ATXN7: variants seen among roughly 807,000 people sequenced by gnomAD.
The protein encoded by ATXN7 is ataxin 7.
A neutral mutation model predicts 70.5 loss-of-function variants in ATXN7; 12 were observed. The ratio of observed to expected loss-of-function variants is 0.17; its 90% CI spans 0.11 to 0.28. The LOEUF is 0.28. ATXN7 is among the 10% of genes least tolerant of loss of function. The pLI, the probability that ATXN7 is intolerant of heterozygous loss-of-function variation, is 1.00. For missense variants in ATXN7, 1,256 were observed against 1,131.7 expected, an observed-to-expected ratio of 1.11 and a Z score of -1.58; for synonymous variants, 498 against 448.7, an observed-to-expected ratio of 1.11 and a Z score of -1.39.
chr3:63,938,374 C>A (rs1374556742), intron 4 of ATXN7, among the ~76,000 whole-genome samples: 1 of 152,130 alleles, frequency 6.6e-6, no homozygotes, highest in Non-Finnish European at 1.5e-5. Flanking sequence ...ATAAACTGCA[C>A]CTAATCTGTT....
chr3:63,989,573 C>G (rs139846465), intron 9 of ATXN7, among the ~76,000 whole-genome samples: 1 of 145,350 alleles, frequency 6.9e-6, no homozygotes, highest in Non-Finnish European at 1.5e-5. Context: ...TTTTTTTTTT[C>G]TTGTCTCAGT....
intron 5 of ATXN7, among the ~76,000 whole-genome samples, chr3:63,970,412 A>G (rs1171349982): frequency 1.3e-5 from 2 of 152,194 alleles, no homozygotes; most frequent in Non-Finnish European, 2.9e-5. Context: ...GAAAGACAAA[A>G]AAAAAGGGTG....
intron 5 of ATXN7, chr3:63,967,804 G>A (rs2075250957): frequency 3.3e-6 from 5 of 1,503,684 alleles, no homozygotes; most frequent in African/African-American, 2.8e-5. Context: ...AGTAGCAAAT[G>A]TTACATAAGC....
chr3:63,927,965 A>G (rs1704781975), intron 4 of ATXN7, among the ~76,000 whole-genome samples: 1 of 152,226 alleles, frequency 6.6e-6, no homozygotes, highest in Non-Finnish European at 1.5e-5. Context: ...GTTGCTGAAA[A>G]TAATCTGTGT....
chr3:63,951,761 A>G (rs1055649216), intron 4 of ATXN7, among the ~76,000 whole-genome samples: 1 of 152,242 alleles, frequency 6.6e-6, no homozygotes, highest in Non-Finnish European at 1.5e-5. Flanking sequence ...AACAGCTCGT[A>G]TCCTACCCTA....
intron 4 of ATXN7, among the ~76,000 whole-genome samples, chr3:63,942,164 G>A (rs778051484): frequency 9.9e-5 from 15 of 152,196 alleles, no homozygotes; most frequent in Non-Finnish European, 2.1e-4. Flanking sequence ...CAGAAGAGCA[G>A]GGATTTCCTG....
chr3:63,930,366 T>C (rs993203702), intron 4 of ATXN7, among the ~76,000 whole-genome samples: 1 of 152,214 alleles, frequency 6.6e-6, no homozygotes, highest in Admixed American at 6.5e-5. Flanking sequence ...CTTATTTGCC[T>C]GATGAAGATA....
chr3:63,863,808 CGGCGGCGGCGGCGGCGCAAGCTGA>C (rs1212512666), upstream of ATXN7: 1 of 1,213,158 alleles, frequency 8.2e-7, no homozygotes, highest in Non-Finnish European at 1.0e-6. Flanking sequence ...GCGGCGGCGG[CGGCGGCGGCGGCGGCGCAAGCTGA>C]GGCGGCGGTT....
intron 5 of ATXN7, among the ~76,000 whole-genome samples, chr3:63,970,431 A>G (rs749299056): frequency 2.0e-5 from 3 of 152,200 alleles, no homozygotes; most frequent in Non-Finnish European, 4.4e-5. Context: ...TGTTATACTC[A>G]TAGCTGAGGT....
At chr3:63,921,321 G>C (rs1704502385) in intron 4 of ATXN7, among the ~76,000 whole-genome samples, 2 of 151,878 alleles carry the variant, frequency 1.3e-5, no homozygotes, top group African/African-American at 4.8e-5. Flanking sequence ...TCATGCAACA[G>C]AAAAAAAGGT....
intron 1 of ATXN7, among the ~76,000 whole-genome samples, chr3:63,866,624 G>A (rs1159143064): frequency 6.6e-6 from 1 of 152,128 alleles, no homozygotes; most frequent in Non-Finnish European, 1.5e-5. Context: ...AATCTATTTT[G>A]TCAGCTACAT....
intron 1 of ATXN7, among the ~76,000 whole-genome samples, chr3:63,882,976 A>G (rs1348026936): frequency 6.6e-6 from 1 of 152,172 alleles, no homozygotes; most frequent in African/African-American, 2.4e-5. Flanking sequence ...TTGATTATAC[A>G]GTATCTATTT....
rs1015654644 is a variant in ATXN7, at chr3:64,002,161, G to A, written c.*2694G>A. On this transcript the variant is annotated 3_prime_UTR_variant, in exon 13 of 13. Transcript: ENST00000674280. ...AAATGAATTGTACATATTTAAATATGTATTTTTGCACAGGTCTTTTTTTCT... is the reference window on the plus strand; with the variant it reads ...AAATGAATTGTACATATTTAAATATATATTTTTGCACAGGTCTTTTTTTCT... 2 of 152,372 alleles carry A rather than the reference G, an allele frequency of 1.3e-5. No individual in the cohort carries two copies. The highest frequency in any genetic ancestry group is 2.9e-5 in the Non-Finnish European group (2 of 67,998). The allele number at this position is 152,372 out of a possible 1,614,324, so 9.4% of individuals were successfully genotyped here.
intron 1 of ATXN7, among the ~76,000 whole-genome samples, chr3:63,898,067 C>G (rs1422590932): frequency 6.6e-6 from 1 of 152,184 alleles, no homozygotes; most frequent in Admixed American, 6.5e-5. Flanking sequence ...TTCATAGGAG[C>G]AGGCTTTCTG....
rs552538374 is a variant in ATXN7 at position 63,998,202 on chromosome 3, G to T, written c.2662-1248G>T. 190 of 951,090 alleles carry T rather than the reference G, an allele frequency of 2.0e-4. 1 individual carries two copies. The East Asian group carries it at 2.9e-3, about 14-fold the overall frequency. The allele number at this position is 951,090 out of a possible 1,614,324, so 58.9% of individuals were successfully genotyped here. On this transcript the variant is annotated intron_variant, in intron 12 of 12. Transcript: ENST00000674280. ...CCACAAGTAACAAAAAGGACAGAAG[G>T]GGGGGGGGCCAGGTGGGGCACAGCA...
intron 4 of ATXN7, among the ~76,000 whole-genome samples, chr3:63,914,271 C>T (rs1279294123): frequency 1.3e-5 from 2 of 152,178 alleles, no homozygotes; most frequent in Admixed American, 6.5e-5. Context: ...CTTTTCACAC[C>T]TGCTTTTTCT....
intron 4 of ATXN7, among the ~76,000 whole-genome samples, chr3:63,930,979 G>A (rs946343302): frequency 1.1e-4 from 16 of 152,172 alleles, no homozygotes; most frequent in South Asian, 2.1e-4. Flanking sequence ...GTTGATTGCC[G>A]TATGTGGCTT....
At chr3:63,872,907 A>G (rs1702641025) in intron 1 of ATXN7, among the ~76,000 whole-genome samples, 1 of 152,166 alleles carries the variant, frequency 6.6e-6, no homozygotes, top group Admixed American at 6.5e-5. Flanking sequence ...AACCTGCCCT[A>G]GAGCTTTTAT....
intron 1 of ATXN7, among the ~76,000 whole-genome samples, chr3:63,881,316 C>G (rs1702901549): frequency 6.6e-6 from 1 of 152,040 alleles, no homozygotes; most frequent in Non-Finnish European, 1.5e-5. Flanking sequence ...TCTCCTAAAC[C>G]ATTTTAGGGA....
Sources: allele counts gnomAD v4.1 joint callset (sites outside exome capture counted in the v4.1 genomes callset), GRCh38; gene constraint gnomAD v4.1.1; transcripts MANE v1.5; gene names NCBI Gene and HGNC (gene_info 2026-07-23, HGNC 2026-07-21).